Variants in DCAF12 observed in about 807,000 individuals in gnomAD.
The protein encoded by DCAF12 is DDB1- and CUL4-associated factor 12.
Under a neutral mutation model 52.8 loss-of-function variants are expected in DCAF12, and 28 were observed. That is an observed-to-expected ratio of 0.53 (90% CI 0.39 to 0.73). DCAF12 has a LOEUF of 0.73. Ranked by LOEUF, DCAF12 falls within the 30% of genes least tolerant of loss-of-function variation. DCAF12 has a pLI of 0.00. For synonymous variants in DCAF12, 196 were observed against 215.5 expected, an observed-to-expected ratio of 0.91 and a Z score of 0.79; for missense variants, 425 against 552.2, an observed-to-expected ratio of 0.77 and a Z score of 2.31.
At chr9:34,102,877 A>T (rs1828850935) in intron 4 of DCAF12, among the ~76,000 whole-genome samples, 1 of 150,572 alleles carries the variant, frequency 6.6e-6, no homozygotes, top group African/African-American at 2.4e-5. Context: ...GGACGTTGAG[A>T]CCAGCCTGGG....
At chr9:34,092,370 C>CA (rs1828658270) in intron 7 of DCAF12, among the ~76,000 whole-genome samples, 1 of 152,028 alleles carries the variant, frequency 6.6e-6, no homozygotes, top group Non-Finnish European at 1.5e-5. Context: ...AGGACCACAG[C>CA]AAAAAAATTA....
intron 4 of DCAF12, among the ~76,000 whole-genome samples, chr9:34,101,622 C>T (rs1828831130): frequency 6.6e-6 from 1 of 151,568 alleles, no homozygotes; most frequent in Non-Finnish European, 1.5e-5. Flanking sequence ...GAACTCCTGA[C>T]CTCAGGTGAT....
rs1257464715 is a variant in DCAF12, at chr9:34,125,254, G to A, written c.102C>T (p.His34=). 1.2e-6 allele frequency: 2 copies of A among 1,613,984 alleles called. No individual in the cohort carries two copies. The highest frequency in any genetic ancestry group is 1.3e-5 in the African/African-American group (1 of 74,902). Residue 34 remains histidine, a synonymous_variant, in exon 2 of 9, where the codon CAC becomes CAT. Coordinates refer to ENST00000361264, the MANE Select transcript of DCAF12 (RefSeq NM_015397.4). ...GPQFGWDHSL[H]KRKRLPPVKR... is the part of the protein sequence containing the mutation. ...TCACAGGAGGAAGTCTTTTCCTTTT[G>A]TGAAGCGAGTGATCCCAGCCAAACT... is the stretch of plus-strand genomic sequence containing the variant.
Position 34,106,450 on chromosome 9 carries a change from G to C in DCAF12, c.585C>G (p.Asp195Glu), listed in dbSNP as rs779416665. 3 of 1,609,876 alleles carry C rather than the reference G, an allele frequency of 1.9e-6. No individual in the cohort carries two copies. The Admixed American group carries it at 5.0e-5, about 27-fold the overall frequency. The change falls in exon 4 of 9, where the codon GAC becomes GAG. Residue 195 changes from aspartate (D) to glutamate (E), a missense_variant. Physicochemically the swap from Asp to Glu is conservative, Grantham distance 45 (BLOSUM62 2). Coordinates refer to ENST00000361264, the MANE Select transcript of DCAF12 (RefSeq NM_015397.4). ...CAACTTTACCAGACACTGCCATAGT[G>C]TCGCTGATCCATGCGATGGAAAAGA... ...DWIFSIAWISDTMAVSGSRDG... is the reference protein window; with the variant it reads ...DWIFSIAWISETMAVSGSRDG...
At position 34,086,849 on chromosome 9, in the gene DCAF12, C is replaced by T. The variant is rs927496091; in HGVS notation, c.*1501G>A. On this transcript the variant is annotated 3_prime_UTR_variant, in exon 9 of 9. Coordinates refer to ENST00000361264, the MANE Select transcript of DCAF12 (RefSeq NM_015397.4). ...TTCTTACACCCAGAGAAGAGGGGGA[C>T]AACTGGGAGAACAAGTTAAAAAACT... The T allele has an allele frequency of 6.6e-6, 1 of 152,038 alleles. No individual in the cohort carries two copies. Among genetic ancestry groups the T allele is most frequent in the African/African-American group, 2.4e-5 (1 of 41,388 alleles). 9.4% of individuals were successfully genotyped at this position (152,038 alleles called of 1,614,324 possible).
Position 34,088,332 on chromosome 9 carries a change from G to A in DCAF12, c.*18C>T, listed in dbSNP as rs770499092. ...AGAATGGAAGTTAGTGTAAATCTCT[G>A]CATTTGGGGAGTTGTCATTAACTCC... On this transcript the variant is annotated 3_prime_UTR_variant, in exon 9 of 9. Coordinates refer to ENST00000361264, the MANE Select transcript of DCAF12 (RefSeq NM_015397.4). 1 of 1,533,332 alleles carries A rather than the reference G, an allele frequency of 6.5e-7. No homozygotes were observed. The allele number at this position is 1,533,332 out of a possible 1,614,324, so 95.0% of individuals were successfully genotyped here.
At chr9:34,096,487 G>A (rs1052091821) in intron 6 of DCAF12, among the ~76,000 whole-genome samples, 1 of 152,060 alleles carries the variant, frequency 6.6e-6, no homozygotes, top group Admixed American at 6.6e-5. Flanking sequence ...TGTAATCCCC[G>A]CAGCTACTCA....
intron 7 of DCAF12, chr9:34,089,821 CT>C: frequency 2.5e-6 from 1 of 397,986 alleles, no homozygotes; most frequent in Non-Finnish European, 4.5e-6. Context: ...TCCAAGAAGC[CT>C]TGGAAAAGTG....
Position 34,098,393 on chromosome 9 carries a change from G to A in DCAF12, c.726C>T (p.Asp242=). The A allele has an allele frequency of 6.2e-7, 1 of 1,614,230 alleles. No individual in the cohort carries two copies. The highest frequency in any genetic ancestry group is 8.5e-7 in the Non-Finnish European group (1 of 1,180,028). Residue 242 remains aspartate (D), a synonymous_variant, in exon 5 of 9, where the codon GAC becomes GAT. Transcript: ENST00000361264. ...CAGGGTTTGTGTCTTCTTTGGGGATGTCCTTTAAGGCCTTGTGAGTGATGT... is the reference window on the plus strand; with the variant it reads ...CAGGGTTTGTGTCTTCTTTGGGGATATCCTTTAAGGCCTTGTGAGTGATGT... ...YAHITHKALK[D]IPKEDTNPDN... is the part of the protein sequence containing the mutation.
At chr9:34,112,666 A>G (rs1410069905) in intron 2 of DCAF12, among the ~76,000 whole-genome samples, 2 of 152,096 alleles carry the variant, frequency 1.3e-5, no homozygotes, top group African/African-American at 4.8e-5. Flanking sequence ...TGGGAGGCCG[A>G]GGAGGGCGGA....
At position 34,098,342 on chromosome 9, in the gene DCAF12, G is replaced by A; in HGVS notation, c.777C>T (p.Ala259=). 1 of 1,614,058 alleles carries A rather than the reference G, an allele frequency of 6.2e-7. No homozygotes were observed. Among genetic ancestry groups the A allele is most frequent in the Non-Finnish European group, 8.5e-7 (1 of 1,179,984 alleles). The change falls in exon 5 of 9, where the codon GCC becomes GCT. Residue 259 remains alanine (A), a synonymous_variant. Transcript: ENST00000361264. ...NPDNCKVRAL[A]FNNKNKELGA... ...TTCATACCTTGTTCTTGTTGTTGAA[G>A]GCCAGAGCCCGAACCTTGCAGTTGT... is the stretch of plus-strand genomic sequence containing the variant.
chr9:34,094,609 C>A (rs953153966), intron 6 of DCAF12, among the ~76,000 whole-genome samples: 1 of 150,578 alleles, frequency 6.6e-6, no homozygotes, highest in African/African-American at 2.4e-5. Context: ...CAGCTCACTG[C>A]AAGCTCCACC....
intron 4 of DCAF12, among the ~76,000 whole-genome samples, chr9:34,102,362 T>C (rs892427911): frequency 1.3e-5 from 2 of 151,862 alleles, no homozygotes; most frequent in East Asian, 1.9e-4. Flanking sequence ...CAAACAATAA[T>C]AAAGCACTTA....
intron 4 of DCAF12, among the ~76,000 whole-genome samples, chr9:34,100,868 G>C (rs10971913): frequency 0.21 from 32,371 of 151,024 alleles, 3,603 homozygotes; most frequent in Middle Eastern, 0.28. Context: ...TGAACCCCTG[G>C]CCTCAAGTGA....
chr9:34,090,706 G>A (rs1828629647), intron 7 of DCAF12, among the ~76,000 whole-genome samples: 1 of 151,812 alleles, frequency 6.6e-6, no homozygotes, highest in Admixed American at 6.6e-5. Context: ...CAAAGCTGGA[G>A]TACTGTGGCA....
intron 7 of DCAF12, among the ~76,000 whole-genome samples, chr9:34,090,527 T>G (rs181529131): frequency 6.6e-6 from 1 of 152,254 alleles, no homozygotes; most frequent in African/African-American, 2.4e-5. Context: ...TATGAAGATG[T>G]CTCTTGGCAC....
At chr9:34,119,491 C>T (rs929546278) in intron 2 of DCAF12, among the ~76,000 whole-genome samples, 1 of 152,116 alleles carries the variant, frequency 6.6e-6, no homozygotes. Flanking sequence ...ATTACAGTCT[C>T]CATAATTATG....
At chr9:34,119,243 C>G (rs180880265) in intron 2 of DCAF12, among the ~76,000 whole-genome samples, 2 of 152,146 alleles carry the variant, frequency 1.3e-5, no homozygotes, top group Admixed American at 1.3e-4. Flanking sequence ...GTTCATCTAG[C>G]TGAAATAACA....
Position 34,088,456 on chromosome 9 carries a change from T to C in DCAF12, c.1256A>G (p.Asn419Ser), listed in dbSNP as rs879339860. Residue 419 changes from asparagine (N) to serine (S), a missense_variant, in exon 9 of 9, where the codon AAT becomes AGT. Transcript: ENST00000361264. ...NYFSDIDFFP[N>S]AVYTHCYDSS... ...GTCGTAGCAGTGGGTGTAAACAGCA[T>C]TGGGGAAGAAGTCAATGTCTGAAAA... is the stretch of plus-strand genomic sequence containing the variant. 17 of 1,614,064 alleles carry C rather than the reference T, an allele frequency of 1.1e-5. No homozygotes were observed. The highest frequency in any genetic ancestry group is 1.6e-4 in the Middle Eastern group (1 of 6,084).
Sources: gnomAD v4.1 joint callset for allele counts (sites outside exome capture counted in the v4.1 genomes callset) on GRCh38, gnomAD v4.1.1 for gene constraint, MANE v1.5 for transcripts, NCBI Gene and HGNC (gene_info 2026-07-23, HGNC 2026-07-21) for gene names.